MTF1: variants seen among roughly 807,000 people sequenced by gnomAD.
MTF1 encodes the protein metal regulatory transcription factor 1, also known as MRE-binding transcription factor.
In MTF1, 22 loss-of-function variants were observed where a neutral mutation model predicts 70.4. That is an observed-to-expected ratio of 0.31 (90% CI 0.22 to 0.45). The LOEUF (loss-of-function observed/expected upper bound fraction) is 0.45. MTF1 is among the 20% of genes least tolerant of loss of function. The pLI is 1.00. For missense variants in MTF1, 649 were observed against 922.0 expected (o/e 0.70, Z 3.83); for synonymous variants, 333 against 352.8 (o/e 0.94, Z 0.63).
chr1:37,820,338 CA>C (rs1429803408), intron 9 of MTF1, among the ~76,000 whole-genome samples: 1 of 152,212 alleles, frequency 6.6e-6, no homozygotes, highest in Non-Finnish European at 1.5e-5. Context: ...CCTGTATGGC[CA>C]CCCAACAAAC....
At chr1:37,836,331 C>G (rs558162269) in intron 4 of MTF1, among the ~76,000 whole-genome samples, 1 of 152,160 alleles carries the variant, frequency 6.6e-6, no homozygotes, top group African/African-American at 2.4e-5. Context: ...TAACAGACCT[C>G]TGTTGACAGT....
At position 37,857,726 on chromosome 1, in the gene MTF1, C is replaced by T. The variant is rs1325006563; in HGVS notation, c.-51-17G>A. The stretch of plus-strand genomic sequence containing the variant: ...ATGACTTGTCTGCAACAGAACAAAG[C>T]CAGAGTTAGAGTCATACCACAAGAC... On this transcript the variant is annotated splice_polypyrimidine_tract_variant and intron_variant, in intron 1 of 10. Transcript: ENST00000373036. 3 of 1,523,346 alleles carry T rather than the reference C, an allele frequency of 2.0e-6. No individual in the cohort carries two copies. In the African/African-American group the frequency reaches 4.1e-5, roughly 21 times the overall value. 94.4% of individuals were successfully genotyped at this position (1,523,346 alleles called of 1,614,324 possible).
chr1:37,836,267 C>T (rs1386777866), intron 4 of MTF1, among the ~76,000 whole-genome samples: 1 of 152,090 alleles, frequency 6.6e-6, no homozygotes, highest in African/African-American at 2.4e-5. Context: ...TCTTGTCCTA[C>T]AGGTAAGGTC....
chr1:37,857,084 G>T lies in MTF1; in HGVS notation c.408+167C>A, dbSNP rs913671677. On this transcript the variant is annotated intron_variant, in intron 2 of 10. Coordinates refer to ENST00000373036, the MANE Select transcript of MTF1 (RefSeq NM_005955.3). ...TTCAATGTGGCTATACAAACCAAAA[G>T]TTCCAGAAGCAATCACAACAAAACC... Among the ~76,000 whole-genome samples the T allele has an allele frequency of 3.9e-5, 6 of 152,280 alleles. No individual in the cohort carries two copies. In the East Asian group the frequency reaches 1.2e-3, roughly 29 times the overall value.
intron 2 of MTF1, among the ~76,000 whole-genome samples, chr1:37,852,342 C>T (rs952455990): frequency 2.0e-5 from 3 of 152,208 alleles, no homozygotes; most frequent in African/African-American, 7.2e-5. Flanking sequence ...CAATACACTC[C>T]TACCAAACTC....
chr1:37,833,169 C>A (rs959089559), intron 6 of MTF1, among the ~76,000 whole-genome samples: 6 of 152,150 alleles, frequency 3.9e-5, no homozygotes, highest in African/African-American at 1.4e-4. Flanking sequence ...TCATATAAAC[C>A]TTGGAAGTAT....
intron 2 of MTF1, among the ~76,000 whole-genome samples, chr1:37,842,867 C>T (rs1352896442): frequency 6.6e-6 from 1 of 152,162 alleles, no homozygotes; most frequent in African/African-American, 2.4e-5. Flanking sequence ...CTGGATCCAG[C>T]AGCTAGGAAT....
At chr1:37,831,422 C>T (rs1641084825) in intron 7 of MTF1, among the ~76,000 whole-genome samples, 1 of 152,198 alleles carries the variant, frequency 6.6e-6, no homozygotes, top group South Asian at 2.1e-4. Flanking sequence ...TGTTCAAATA[C>T]TTCCCATCAT....
intron 2 of MTF1, among the ~76,000 whole-genome samples, chr1:37,852,635 C>CT (rs35724646): frequency 0.5 from 73,939 of 148,232 alleles, 19,225 homozygotes; most frequent in Non-Finnish European, 0.58. Flanking sequence ...GATTCAAAAC[C>CT]TTTTTTTTTT....
At position 37,857,281 on chromosome 1, in the gene MTF1, C is replaced by A; in HGVS notation, c.378G>T (p.Gln126His). The A allele has an allele frequency of 6.2e-7, 1 of 1,613,538 alleles. No individual in the cohort carries two copies. Among genetic ancestry groups the A allele is most frequent in the Non-Finnish European group, 8.5e-7 (1 of 1,179,470 alleles). ...RNIEGATLTL[Q>H]SECPETKRKE... ...TACGTTTTGTTTCCGGACATTCCGA[C>A]TGCAGAGTGAGGGTTGCACCTTCAA... Residue 126 changes from glutamine to histidine, a missense_variant, in exon 2 of 11, where the codon CAG becomes CAT. This residue lies in a region of MTF1 where 118 missense variants were observed against 287.2 expected (regional missense o/e 0.41). Transcript: ENST00000373036.
chr1:37,858,723 T>A (rs1236364518), intron 1 of MTF1, among the ~76,000 whole-genome samples: 1 of 152,230 alleles, frequency 6.6e-6, no homozygotes, highest in Non-Finnish European at 1.5e-5. Flanking sequence ...GCTAAATGAC[T>A]GAAAGACATG....
chr1:37,841,919 T>C (rs1641259884), intron 2 of MTF1, among the ~76,000 whole-genome samples: 1 of 151,946 alleles, frequency 6.6e-6, no homozygotes, highest in African/African-American at 2.4e-5. Context: ...ATGCCTATAG[T>C]TCCAGCTATT....
At chr1:37,832,745 G>A (rs1308500014) in intron 6 of MTF1, among the ~76,000 whole-genome samples, 1 of 152,100 alleles carries the variant, frequency 6.6e-6, no homozygotes, top group African/African-American at 2.4e-5. Flanking sequence ...GGTGGCTCAC[G>A]CCTGTAATCC....
At chr1:37,823,635 A>T (rs1640952938) in intron 8 of MTF1, 75 bp downstream of exon 8, 1 of 1,143,810 alleles carries the variant, frequency 8.7e-7, no homozygotes, top group Non-Finnish European at 1.3e-6. Context: ...CGCTAACTAG[A>T]ATGATTCATT....
chr1:37,822,859 T>C, intron 8 of MTF1, 143 bp from the exon 9 acceptor site: 3 of 616,230 alleles, frequency 4.9e-6, no homozygotes, highest in Non-Finnish European at 5.6e-6. Context: ...CTTTCTGTCA[T>C]TTTCATTTAG....
At chr1:37,819,860 G>C (rs1363601063) in intron 9 of MTF1, among the ~76,000 whole-genome samples, 1 of 149,132 alleles carries the variant, frequency 6.7e-6, no homozygotes, top group Non-Finnish European at 1.5e-5. Context: ...GCTGAGGCAG[G>C]AGAATCGCTT....
At chr1:37,859,259 A>G (rs903059664) in intron 1 of MTF1, among the ~76,000 whole-genome samples, 2 of 152,170 alleles carry the variant, frequency 1.3e-5, no homozygotes, top group Admixed American at 1.3e-4. Flanking sequence ...GGGAAAAGGA[A>G]CCTGTCTGGG....
rs972542480 is a variant in MTF1 at position 37,811,596 on chromosome 1, T to C, written c.*3540A>G. ...ATTTCTTTAATATACCAATATGAGG[T>C]TCTGCAAACTTGTCCCTCTGGACAC... On this transcript the variant is annotated 3_prime_UTR_variant, in exon 11 of 11. Coordinates refer to ENST00000373036, the MANE Select transcript of MTF1 (RefSeq NM_005955.3). 2 of 152,236 alleles carry C rather than the reference T, an allele frequency of 1.3e-5. No individual in the cohort carries two copies. Among genetic ancestry groups the C allele is most frequent in the African/African-American group, 4.8e-5 (2 of 41,454 alleles). 9.4% of individuals were successfully genotyped at this position (152,236 alleles called of 1,614,324 possible).
At position 37,822,370 on chromosome 1, in the gene MTF1, A is replaced by C; in HGVS notation, c.1518T>G (p.Ser506=). The C allele has an allele frequency of 6.2e-7, 1 of 1,613,712 alleles. No homozygotes were observed. The highest frequency in any genetic ancestry group is 8.5e-7 in the Non-Finnish European group (1 of 1,179,688). ...CTGATGCCACTGCCGCTGCTGATGCAGAAGCCCCAGCAACAACAGAAAGTC... is the reference window on the plus strand; with the variant it reads ...CTGATGCCACTGCCGCTGCTGATGCCGAAGCCCCAGCAACAACAGAAAGTC... ...VPGLSVVAGA[S]ASAAAVASAV... Residue 506 remains serine (S), a synonymous_variant, in exon 9 of 11, where the codon TCT becomes TCG. Coordinates refer to ENST00000373036, the MANE Select transcript of MTF1 (RefSeq NM_005955.3).
Sources: allele counts gnomAD v4.1 joint callset (sites outside exome capture counted in the v4.1 genomes callset), GRCh38; gene constraint gnomAD v4.1.1; regional missense constraint gnomAD v4.1.1; transcripts MANE v1.5; gene names NCBI Gene and HGNC (gene_info 2026-07-23, HGNC 2026-07-21).